Variants in KLRG2 observed in about 807,000 individuals in gnomAD.
The protein encoded by KLRG2 is killer cell lectin like receptor G2.
In KLRG2, 39 loss-of-function variants were observed where a neutral mutation model predicts 35.4. That is an observed-to-expected ratio of 1.10 (90% CI 0.85 to 1.44). The LOEUF (loss-of-function observed/expected upper bound fraction) is 1.44, where lower values mean the gene tolerates loss of function less well. Ranked by LOEUF, KLRG2 falls within the 40% of genes most tolerant of loss-of-function variation. The pLI, the probability that KLRG2 is intolerant of heterozygous loss-of-function variation, is 0.00. For synonymous variants in KLRG2, 283 were observed against 265.8 expected (o/e 1.06, Z -0.63); for missense variants, 632 against 570.9 (o/e 1.11, Z -1.09).
chr7:139,436,141 G>C, the KLRG2 span, among the ~76,000 whole-genome samples: 1 of 152,154 alleles, frequency 6.6e-6, no homozygotes, highest in African/African-American at 2.4e-5. Flanking sequence ...GACCTCGAGT[G>C]ATCTGCCCAC....
the KLRG2 span, among the ~76,000 whole-genome samples, chr7:139,445,342 A>C: frequency 6.6e-6 from 1 of 152,162 alleles, no homozygotes; most frequent in Non-Finnish European, 1.5e-5. Context: ...TCAACCTCTC[A>C]AAGTGCTGGG....
the KLRG2 span, among the ~76,000 whole-genome samples, chr7:139,442,142 G>A: frequency 1.5e-4 from 23 of 152,296 alleles, no homozygotes; most frequent in African/African-American, 5.1e-4. Context: ...AGGATGCTCA[G>A]GTAGGGACTT....
the KLRG2 span, among the ~76,000 whole-genome samples, chr7:139,440,681 C>T: frequency 6.6e-5 from 10 of 152,180 alleles, no homozygotes; most frequent in African/African-American, 2.4e-4. Flanking sequence ...GACCCCAGGG[C>T]TCAAGTGATC....
intron 1 of KLRG2, among the ~76,000 whole-genome samples, chr7:139,481,817 G>C (rs968234473): frequency 6.6e-6 from 1 of 151,968 alleles, no homozygotes; most frequent in Non-Finnish European, 1.5e-5. Flanking sequence ...CCAGCTACTC[G>C]GGAGGAGGCT....
chr7:139,468,403 G>C (rs73470423), intron 3 of KLRG2, among the ~76,000 whole-genome samples: 2,646 of 152,130 alleles, frequency 0.017, 82 homozygotes, highest in African/African-American at 0.061. Context: ...ACATTACTTT[G>C]GGAAATTCCT....
In KLRG2 at chr7:139,480,363, C is replaced by T; in HGVS notation, c.758-116G>A. The T allele has an allele frequency of 6.3e-6, 4 of 631,026 alleles. No individual in the cohort carries two copies. The Admixed American group carries it at 7.5e-5, about 12-fold the overall frequency. 39.1% of individuals were successfully genotyped at this position (631,026 alleles called of 1,614,324 possible). The stretch of plus-strand genomic sequence containing the variant: ...ACCCACCTCACCCCAGCACCCACCC[C>T]CTCAGCCTGGGATGCCAACATAAAC... On this transcript the variant is annotated intron_variant, in intron 1 of 4. Coordinates refer to ENST00000340940, the MANE Select transcript of KLRG2 (RefSeq NM_198508.4).
chr7:139,483,222 T>A lies in KLRG2; in HGVS notation c.421A>T (p.Thr141Ser). The change falls in exon 1 of 5, where the codon ACG becomes TCG. Residue 141 changes from threonine (T) to serine (S), a missense_variant. Coordinates refer to ENST00000340940, the MANE Select transcript of KLRG2 (RefSeq NM_198508.4). ...CGCGTGGAGGGCCTGGGCGATGGCG[T>A]GCTGCTGCCACCGGCCGCGCCCACG... ...KPVGAAGGSS[T>S]PSPRPSTRFL... The A allele has an allele frequency of 6.5e-7, 1 of 1,533,222 alleles. No individual in the cohort carries two copies. Among genetic ancestry groups the A allele is most frequent in the Non-Finnish European group, 8.7e-7 (1 of 1,150,476 alleles). 95.0% of individuals were successfully genotyped at this position (1,533,222 alleles called of 1,614,324 possible). A position where few individuals can be genotyped will look rare whatever the true frequency, so the allele number is the denominator to read the frequency against.
At chr7:139,480,589 G>T (rs1321689211) in intron 1 of KLRG2, among the ~76,000 whole-genome samples, 3 of 151,158 alleles carry the variant, frequency 2.0e-5, no homozygotes, top group African/African-American at 7.3e-5. Flanking sequence ...GGGGTTACAG[G>T]TGCGTGCCAC....
intron 3 of KLRG2, among the ~76,000 whole-genome samples, chr7:139,470,112 C>A (rs1051245495): frequency 2.0e-5 from 3 of 150,984 alleles, no homozygotes; most frequent in African/African-American, 4.9e-5. Context: ...GGCTTGAATG[C>A]AGTGGTGTGA....
chr7:139,450,222 TTTTTG>T (rs893307704), downstream of KLRG2, among the ~76,000 whole-genome samples: 1 of 124,908 alleles, frequency 8.0e-6, no homozygotes, highest in African/African-American at 4.5e-5. Flanking sequence ...TTTGTTTTTT[TTTTTG>T]TTTTGTTTTG....
At chr7:139,442,782 T>C in the KLRG2 span, among the ~76,000 whole-genome samples, 1 of 152,104 alleles carries the variant, frequency 6.6e-6, no homozygotes, top group South Asian at 2.1e-4. Flanking sequence ...TGAGTCAGTA[T>C]CATGCCACTA....
rs373232303 is a variant in KLRG2 at position 139,453,386 on chromosome 7, G to A, written c.*201C>T. 1 of 584,332 alleles carries A rather than the reference G, an allele frequency of 1.7e-6. No homozygotes were observed. Among genetic ancestry groups the A allele is most frequent in the Non-Finnish European group, 3.0e-6 (1 of 333,998 alleles). The allele number at this position is 584,332 out of a possible 1,614,324, so 36.2% of individuals were successfully genotyped here. ...ACTAATATTGGCACTCAGGCCTGAG[G>A]CCATAGAAAATCTCCTTTCCCTCGG... is the stretch of plus-strand genomic sequence containing the variant. On this transcript the variant is annotated 3_prime_UTR_variant, in exon 5 of 5. Coordinates refer to ENST00000340940, the MANE Select transcript of KLRG2 (RefSeq NM_198508.4).
At chr7:139,436,739 G>GT in the KLRG2 span, among the ~76,000 whole-genome samples, 1 of 152,342 alleles carries the variant, frequency 6.6e-6, no homozygotes, top group African/African-American at 2.4e-5. Context: ...TTGGAATTGG[G>GT]TTTTTGTTAC....
At chr7:139,436,560 A>T in the KLRG2 span, among the ~76,000 whole-genome samples, 3 of 83,664 alleles carry the variant, frequency 3.6e-5, no homozygotes, top group African/African-American at 1.3e-4. Context: ...TGCCGCCATG[A>T]TAAAGCTGGC....
chr7:139,457,570 C>T (rs933571002), intron 3 of KLRG2, among the ~76,000 whole-genome samples: 7 of 152,182 alleles, frequency 4.6e-5, no homozygotes, highest in Non-Finnish European at 7.4e-5. Context: ...TGTCCTCTCG[C>T]GTCTGACATG....
intron 3 of KLRG2, among the ~76,000 whole-genome samples, chr7:139,472,733 AC>A (rs139725676): frequency 3.9e-5 from 6 of 152,284 alleles, no homozygotes; most frequent in African/African-American, 9.6e-5. Context: ...GCCAAGAAAT[AC>A]CCCAATTTGA....
intron 3 of KLRG2, among the ~76,000 whole-genome samples, chr7:139,474,727 C>T (rs1186046600): frequency 2.0e-5 from 3 of 152,122 alleles, no homozygotes; most frequent in African/African-American, 7.2e-5. Flanking sequence ...CCCCACTGCA[C>T]TCCAGCCTGG....
rs775043114 is a variant in KLRG2 at position 139,479,642 on chromosome 7, C to G, written c.990G>C (p.Leu330=). The G allele has an allele frequency of 6.2e-7, 1 of 1,613,046 alleles. No homozygotes were observed. Among genetic ancestry groups the G allele is most frequent in the Non-Finnish European group, 8.5e-7 (1 of 1,179,950 alleles). The change falls in exon 3 of 5, where the codon CTG becomes CTC. Residue 330 remains leucine (L), a synonymous_variant. Coordinates refer to ENST00000340940, the MANE Select transcript of KLRG2 (RefSeq NM_198508.4). ...FCSAYHATLP[L]LSHTQDFLGR... ...CCCTTCTCACCTGGGTGTGGCTTAG[C>G]AGGGGGAGGGTAGCGTGGTAGGCTG... is the stretch of plus-strand genomic sequence containing the variant.
chr7:139,436,072 G>A, the KLRG2 span, among the ~76,000 whole-genome samples: 1 of 151,854 alleles, frequency 6.6e-6, no homozygotes, highest in East Asian at 1.9e-4. Context: ...CGGCTAATTT[G>A]TGTATTTTTT....
Sources: allele counts gnomAD v4.1 joint callset (sites outside exome capture counted in the v4.1 genomes callset), GRCh38; gene constraint gnomAD v4.1.1; transcripts MANE v1.5; gene names NCBI Gene and HGNC (gene_info 2026-07-23, HGNC 2026-07-21).